Variants in IGSF10 observed in about 807,000 individuals in gnomAD.
The protein encoded by IGSF10 is immunoglobulin superfamily member 10, also known as calvaria mechanical force protein 608.
A neutral mutation model predicts 128.2 loss-of-function variants in IGSF10; 126 were observed. The observed-to-expected ratio is 0.98, with a 90% CI of 0.85 to 1.14. The LOEUF (loss-of-function observed/expected upper bound fraction) is 1.14. Ranked by LOEUF, IGSF10 falls within the 50% of genes most tolerant of loss-of-function variation. The pLI is 0.00. For missense variants in IGSF10, 3,295 were observed against 3,149.8 expected (o/e 1.05, Z -1.10); for synonymous variants, 1,185 against 1,146.2 (o/e 1.03, Z -0.68).
At chr3:151,530,447 T>A in the IGSF10 span, among the ~76,000 whole-genome samples, 2 of 152,202 alleles carry the variant, frequency 1.3e-5, no homozygotes, top group African/African-American at 4.8e-5. Flanking sequence ...GGAAAAAATG[T>A]TAAGGGCAGC....
chr3:151,560,789 T>G, the IGSF10 span, among the ~76,000 whole-genome samples: 7 of 152,248 alleles, frequency 4.6e-5, no homozygotes, highest in African/African-American at 1.7e-4. Flanking sequence ...CTTGGAATTT[T>G]AGACTCTGTG....
the IGSF10 span, among the ~76,000 whole-genome samples, chr3:151,536,104 TA>T: frequency 6.6e-6 from 1 of 152,084 alleles, no homozygotes; most frequent in Non-Finnish European, 1.5e-5. Flanking sequence ...CTACTAGTCC[TA>T]GGGGGATTAA....
At chr3:151,590,353 T>A in the IGSF10 span, among the ~76,000 whole-genome samples, 12 of 151,128 alleles carry the variant, frequency 7.9e-5, no homozygotes, top group Non-Finnish European at 1.3e-4. Flanking sequence ...TTGAGTAATT[T>A]AAAAAAAAAT....
chr3:151,495,415 A>T, the IGSF10 span, among the ~76,000 whole-genome samples: 1 of 152,162 alleles, frequency 6.6e-6, no homozygotes, highest in African/African-American at 2.4e-5. Context: ...ATTATGATCT[A>T]CCACGAATGT....
At chr3:151,488,451 C>A in the IGSF10 span, among the ~76,000 whole-genome samples, 1 of 152,102 alleles carries the variant, frequency 6.6e-6, no homozygotes, top group South Asian at 2.1e-4. Context: ...TGACTTTCTT[C>A]ACAGAATTAG....
At chr3:151,462,732 T>C (rs1477490191), upstream of IGSF10, among the ~76,000 whole-genome samples, 1 of 152,230 alleles carries the variant, frequency 6.6e-6, no homozygotes, top group Non-Finnish European at 1.5e-5. Context: ...TTATGGTTAG[T>C]AATAAGTCAG....
chr3:151,449,226 G>A lies in IGSF10; in HGVS notation c.755C>T (p.Ala252Val), dbSNP rs146743682. The A allele has an allele frequency of 4.9e-5, 78 of 1,596,244 alleles. No homozygotes were observed. In the African/African-American group the frequency reaches 9.9e-4, roughly 20 times the overall value. Residue 252 changes from alanine (A) to valine (V), a missense_variant, in exon 6 of 8, where the codon GCT (alanine) becomes GTT (valine). Coordinates refer to ENST00000282466, the MANE Select transcript of IGSF10 (RefSeq NM_178822.5). ...GTTCATGCAAAGTGGACACTGCTGAGCACTAGAGGGACTTCTATCTTTTTT... is the reference window on the plus strand; with the variant it reads ...GTTCATGCAAAGTGGACACTGCTGAACACTAGAGGGACTTCTATCTTTTTT... ...KCKKDRSPSS[A>V]QQCPLCMNPR... is the part of the protein sequence containing the mutation.
the IGSF10 span, among the ~76,000 whole-genome samples, chr3:151,579,882 G>GAAAGGAAGGAAA: frequency 0.035 from 5,178 of 148,662 alleles, 177 homozygotes; most frequent in Middle Eastern, 0.092. Context: ...AGGAAAGGAA[G>GAAAGGAAGGAAA]GAAGGAAGGA....
At chr3:151,435,781 A>G (rs772016512), downstream of IGSF10, 14 of 152,254 alleles carry the variant, frequency 9.2e-5, no homozygotes, top group South Asian at 2.3e-3. Context: ...ACAAAAACAC[A>G]TTTTGTGTAG....
At chr3:151,608,613 T>A in the IGSF10 span, among the ~76,000 whole-genome samples, 2 of 152,242 alleles carry the variant, frequency 1.3e-5, no homozygotes, top group Non-Finnish European at 2.9e-5. Context: ...CTCCATATTG[T>A]TTCTCGGATG....
Position 151,445,134 on chromosome 3 carries a change from G to A in IGSF10, c.4847C>T (p.Thr1616Ile), listed in dbSNP as rs373062982. The A allele has an allele frequency of 6.2e-7, 1 of 1,614,036 alleles. No homozygotes were observed. Among genetic ancestry groups the A allele is most frequent in the African/African-American group, 1.3e-5 (1 of 74,926 alleles). The part of the protein sequence containing the change: ...LVSDWDGQKN[T>I]KKSDFDKKPV... ...TTTCTTATCAAAGTCACTCTTCTTT[G>A]TGTTCTTCTGTCCATCCCAATCTGA... Residue 1616 changes from threonine to isoleucine, a missense_variant, in exon 6 of 8, where the codon ACA becomes ATA. Thr to Ile is a moderately conservative substitution (Grantham distance 89). Coordinates refer to ENST00000282466, the MANE Select transcript of IGSF10 (RefSeq NM_178822.5).
chr3:151,587,777 A>G, the IGSF10 span, among the ~76,000 whole-genome samples: 211 of 152,328 alleles, frequency 1.4e-3, no homozygotes, highest in African/African-American at 4.7e-3. Flanking sequence ...CACTGTTCTC[A>G]TGATAATGAA....
chr3:151,540,647 CTA>C, the IGSF10 span, among the ~76,000 whole-genome samples: 1 of 152,166 alleles, frequency 6.6e-6, no homozygotes. Context: ...TCTGTTGACT[CTA>C]TGCCTACAGT....
At chr3:151,556,654 A>G in the IGSF10 span, among the ~76,000 whole-genome samples, 2 of 152,166 alleles carry the variant, frequency 1.3e-5, no homozygotes, top group East Asian at 1.9e-4. Flanking sequence ...ATTTCAGTAC[A>G]TAGCACTGGA....
the IGSF10 span, among the ~76,000 whole-genome samples, chr3:151,545,456 C>G: frequency 6.6e-6 from 1 of 152,198 alleles, no homozygotes; most frequent in South Asian, 2.1e-4. Flanking sequence ...GAAGCAAGGC[C>G]TTTGCTCTGA....
the IGSF10 span, among the ~76,000 whole-genome samples, chr3:151,563,455 T>C: frequency 6.6e-6 from 1 of 152,164 alleles, no homozygotes; most frequent in African/African-American, 2.4e-5. Context: ...GAGAGTTCAG[T>C]TTTCCATGAG....
the IGSF10 span, among the ~76,000 whole-genome samples, chr3:151,534,484 A>T: frequency 6.6e-6 from 1 of 152,222 alleles, no homozygotes; most frequent in Non-Finnish European, 1.5e-5. Context: ...ATAAAAAATG[A>T]TGAGTTCATG....
intron 7 of IGSF10, among the ~76,000 whole-genome samples, chr3:151,440,371 GTAT>G (rs1261853784): frequency 2.6e-5 from 4 of 152,102 alleles, no homozygotes; most frequent in East Asian, 3.9e-4. Context: ...AGTATGGAAA[GTAT>G]TATAGTAAAA....
chr3:151,590,659 A>G, the IGSF10 span, among the ~76,000 whole-genome samples: 1 of 152,234 alleles, frequency 6.6e-6, no homozygotes, highest in Non-Finnish European at 1.5e-5. Context: ...GAAAAGCATC[A>G]TGCAGAGATG....
Sources: allele counts gnomAD v4.1 joint callset (sites outside exome capture counted in the v4.1 genomes callset), GRCh38; gene constraint gnomAD v4.1.1; transcripts MANE v1.5; gene names NCBI Gene and HGNC (gene_info 2026-07-23, HGNC 2026-07-21).